Variants in AUTS2 observed in about 807,000 individuals in gnomAD.
AUTS2 encodes activator of transcription and developmental regulator AUTS2, also known as autism susceptibility gene 2 protein.
Under a neutral mutation model 112.4 loss-of-function variants are expected in AUTS2, and 17 were observed. The observed-to-expected ratio is 0.15, with a 90% CI of 0.10 to 0.23. The LOEUF (loss-of-function observed/expected upper bound fraction) is 0.23, where lower values mean the gene tolerates loss of function less well. Among genes scored for constraint, AUTS2 ranks in the 10% least tolerant of loss-of-function variants. The pLI, the probability that AUTS2 is intolerant of heterozygous loss-of-function variation, is 1.00. For missense variants in AUTS2, 1,510 were observed against 1,701.6 expected, an observed-to-expected ratio of 0.89 and a Z score of 1.98; for synonymous variants, 751 against 702.7, an observed-to-expected ratio of 1.07 and a Z score of -1.09.
At position 69,917,608 on chromosome 7, in the gene AUTS2, A is replaced by G. The variant is rs997547392; in HGVS notation, c.522+18110A>G. Among the ~76,000 whole-genome samples the G allele has an allele frequency of 4.6e-5, 7 of 152,210 alleles. No homozygotes were observed. The South Asian group carries it at 1.0e-3, about 23-fold the overall frequency. Reference sequence around the variant, plus strand: ...CCATCACCTAGTAATGTAGGTTATAACTACATATTGTAGTAGTTACAATAT... The same window carrying G: ...CCATCACCTAGTAATGTAGGTTATAGCTACATATTGTAGTAGTTACAATAT... On this transcript the variant is annotated intron_variant, in intron 2 of 18. Coordinates refer to ENST00000342771, the MANE Select transcript of AUTS2 (RefSeq NM_015570.4).
At chr7:70,040,680 A>G (rs761102915) in intron 2 of AUTS2, among the ~76,000 whole-genome samples, 12 of 152,178 alleles carry the variant, frequency 7.9e-5, no homozygotes, top group Non-Finnish European at 1.5e-4. Flanking sequence ...CTCTGCAGAA[A>G]GACTTAGGAC....
At chr7:70,647,870 A>T (rs374766810) in intron 5 of AUTS2, among the ~76,000 whole-genome samples, 1 of 152,230 alleles carries the variant, frequency 6.6e-6, no homozygotes, top group East Asian at 1.9e-4. Flanking sequence ...CTCTGGCTAA[A>T]GACAGGATTG....
chr7:70,672,579 AG>A (rs1240209448), intron 5 of AUTS2, among the ~76,000 whole-genome samples: 1 of 152,082 alleles, frequency 6.6e-6, no homozygotes, highest in Non-Finnish European at 1.5e-5. Flanking sequence ...CTTCCTCGAA[AG>A]GGTAGGACAC....
chr7:70,789,717 C>T (rs768187102), intron 18 of AUTS2, 31 bp from the exon 19 acceptor site: 1 of 1,593,634 alleles, frequency 6.3e-7, no homozygotes, highest in African/African-American at 1.3e-5. Context: ...TTCATTTCAT[C>T]TGCGTCCTTG....
intron 1 of AUTS2, among the ~76,000 whole-genome samples, chr7:69,708,094 C>T (rs940829133): frequency 6.6e-6 from 1 of 152,018 alleles, no homozygotes; most frequent in Admixed American, 6.6e-5. Flanking sequence ...CATGTTTGAG[C>T]CTTTGAGTCT....
intron 4 of AUTS2, among the ~76,000 whole-genome samples, chr7:70,157,281 T>A (rs965617883): frequency 3.9e-5 from 6 of 151,988 alleles, no homozygotes; most frequent in Non-Finnish European, 8.8e-5. Context: ...TTTTTCTCCT[T>A]TTTTTGTTTT....
chr7:70,762,855 C>T lies in AUTS2; in HGVS notation c.743-15C>T, dbSNP rs748325195. The T allele has an allele frequency of 7.6e-6, 12 of 1,587,832 alleles. No individual in the cohort carries two copies. The South Asian group carries it at 1.2e-4, about 16-fold the overall frequency. On this transcript the variant is annotated splice_polypyrimidine_tract_variant and intron_variant, in intron 6 of 18. Coordinates refer to ENST00000342771, the MANE Select transcript of AUTS2 (RefSeq NM_015570.4). ...GTCATTGCCTGTGGTTTTGTCTTTG[C>T]TCTCTCCCATGCAGATCCGGAGTTA...
chr7:69,697,271 G>A (rs1194208365), intron 1 of AUTS2, among the ~76,000 whole-genome samples: 1 of 152,196 alleles, frequency 6.6e-6, no homozygotes, highest in Non-Finnish European at 1.5e-5. Flanking sequence ...AAGGGCAAAT[G>A]AACTGAATTG....
intron 4 of AUTS2, among the ~76,000 whole-genome samples, chr7:70,322,567 A>G (rs1790303572): frequency 6.6e-6 from 1 of 152,210 alleles, no homozygotes; most frequent in South Asian, 2.1e-4. Flanking sequence ...AATGCCTACT[A>G]GAAGTCAAAT....
chr7:70,777,775 TAA>T (rs752821738), intron 14 of AUTS2, among the ~76,000 whole-genome samples: 1 of 152,256 alleles, frequency 6.6e-6, no homozygotes, highest in Non-Finnish European at 1.5e-5. Flanking sequence ...GATTAAATGC[TAA>T]AATAAAGCTT....
At chr7:69,635,929 A>G (rs777768840) in intron 1 of AUTS2, among the ~76,000 whole-genome samples, 16 of 152,226 alleles carry the variant, frequency 1.1e-4, no homozygotes, top group Non-Finnish European at 2.2e-4. Flanking sequence ...AACTAGCTCA[A>G]TTAGAGTCCA....
At chr7:70,165,705 A>G (rs1808345283) in intron 4 of AUTS2, among the ~76,000 whole-genome samples, 1 of 152,252 alleles carries the variant, frequency 6.6e-6, no homozygotes, top group South Asian at 2.1e-4. Flanking sequence ...GCTGCTCTAT[A>G]GAAAGAACAT....
chr7:70,099,583 T>C (rs1203350622), intron 2 of AUTS2, among the ~76,000 whole-genome samples: 1 of 151,934 alleles, frequency 6.6e-6, no homozygotes, highest in East Asian at 1.9e-4. Flanking sequence ...TTCTGGGACA[T>C]AGGAAATAGC....
chr7:70,368,093 G>A (rs921124547), intron 4 of AUTS2, among the ~76,000 whole-genome samples: 8 of 152,136 alleles, frequency 5.3e-5, no homozygotes, highest in South Asian at 4.1e-4. Flanking sequence ...AATCACACTC[G>A]TGGAAGATCA....
intron 1 of AUTS2, among the ~76,000 whole-genome samples, chr7:69,875,035 C>CTT (rs551755692): frequency 6.8e-6 from 1 of 146,046 alleles, no homozygotes; most frequent in East Asian, 2.0e-4. Context: ...ACCCCCAACC[C>CTT]TTTTTTTTTT....
chr7:69,996,079 C>G (rs970101505), intron 2 of AUTS2, among the ~76,000 whole-genome samples: 2 of 152,198 alleles, frequency 1.3e-5, no homozygotes, highest in African/African-American at 4.8e-5. Flanking sequence ...ACAGTTCACT[C>G]CGTAAGGAGC....
At chr7:70,454,596 G>T (rs887144229) in intron 5 of AUTS2, among the ~76,000 whole-genome samples, 1 of 152,154 alleles carries the variant, frequency 6.6e-6, no homozygotes, top group African/African-American at 2.4e-5. Flanking sequence ...GATGTGGCCC[G>T]TAATAGTAAC....
intron 1 of AUTS2, among the ~76,000 whole-genome samples, chr7:69,689,776 C>T (rs1225513832): frequency 1.3e-5 from 2 of 151,492 alleles, no homozygotes; most frequent in African/African-American, 4.9e-5. Flanking sequence ...CTCCCAGGCT[C>T]AAGTAATTCT....
At chr7:69,979,533 A>C (rs1458803027) in intron 2 of AUTS2, among the ~76,000 whole-genome samples, 2 of 152,204 alleles carry the variant, frequency 1.3e-5, no homozygotes, top group African/African-American at 2.4e-5. Context: ...TCACAGTTTC[A>C]AATGTTAAAT....
Sources: allele counts gnomAD v4.1 joint callset (sites outside exome capture counted in the v4.1 genomes callset), GRCh38; gene constraint gnomAD v4.1.1; transcripts MANE v1.5; gene names NCBI Gene and HGNC (gene_info 2026-07-23, HGNC 2026-07-21).